The following HELZ variants were observed in gnomAD, a reference collection of about 807,000 sequenced individuals.
The protein encoded by HELZ is helicase with zinc finger, also known as ATP-dependent RNA helicase with zinc finger domain.
In HELZ, 23 loss-of-function variants were observed where a neutral mutation model predicts 218.2. The ratio of observed to expected loss-of-function variants is 0.11; its 90% CI spans 0.08 to 0.15. The LOEUF (loss-of-function observed/expected upper bound fraction) is 0.15, where lower values mean the gene tolerates loss of function less well. HELZ is among the 10% of genes least tolerant of loss of function. The pLI is 1.00. For synonymous variants in HELZ, 814 were observed against 829.4 expected (o/e 0.98, Z 0.32); for missense variants, 1,813 against 2,353.7 (o/e 0.77, Z 4.75).
chr17:67,078,911 G>A (rs2036099617), intron 32 of HELZ, among the ~76,000 whole-genome samples: 1 of 152,246 alleles, frequency 6.6e-6, no homozygotes, highest in Non-Finnish European at 1.5e-5. Flanking sequence ...ACTGCTCATA[G>A]TTTGTAAACA....
intron 31 of HELZ, among the ~76,000 whole-genome samples, chr17:67,100,098 T>C (rs370137078): frequency 2.0e-5 from 3 of 152,316 alleles, no homozygotes; most frequent in South Asian, 4.2e-4. Flanking sequence ...AAAGTGAGAA[T>C]AGGCAATAAT....
intron 13 of HELZ, among the ~76,000 whole-genome samples, chr17:67,175,480 TGAA>T (rs758484391): frequency 2.8e-4 from 43 of 152,220 alleles, no homozygotes; most frequent in South Asian, 4.1e-4. Flanking sequence ...GTTTAAAGAG[TGAA>T]GAAGAAAACA....
At chr17:67,234,317 A>G (rs2041121972) in intron 3 of HELZ, among the ~76,000 whole-genome samples, 1 of 145,800 alleles carries the variant, frequency 6.9e-6, no homozygotes, top group African/African-American at 2.8e-5. Context: ...AAGAAAGAAA[A>G]AAGAAAAAAA....
intron 13 of HELZ, among the ~76,000 whole-genome samples, chr17:67,174,312 A>G (rs1424437526): frequency 6.6e-6 from 1 of 152,016 alleles, no homozygotes; most frequent in African/African-American, 2.4e-5. Flanking sequence ...TGCTAAAATG[A>G]CCATGTAAAA....
intron 12 of HELZ, among the ~76,000 whole-genome samples, chr17:67,180,179 A>G (rs1331455092): frequency 1.3e-5 from 2 of 152,070 alleles, no homozygotes; most frequent in Non-Finnish European, 2.9e-5. Flanking sequence ...AAAAACTTGC[A>G]CTTTAAAAAT....
chr17:67,198,238 A>G (rs937756338), intron 7 of HELZ, among the ~76,000 whole-genome samples: 2 of 152,250 alleles, frequency 1.3e-5, no homozygotes, highest in Admixed American at 1.3e-4. Context: ...AATAAAGCCT[A>G]AAACACTTAT....
intron 3 of HELZ, among the ~76,000 whole-genome samples, chr17:67,219,702 G>A (rs544803285): frequency 4.6e-5 from 7 of 152,288 alleles, no homozygotes; most frequent in Admixed American, 2.0e-4. Flanking sequence ...AATGGAACAC[G>A]ATGAAATTTT....
chr17:67,137,587 A>G (rs993455037), intron 22 of HELZ, among the ~76,000 whole-genome samples: 11 of 152,212 alleles, frequency 7.2e-5, no homozygotes, highest in Non-Finnish European at 1.5e-5. Flanking sequence ...AAAAGTCTAT[A>G]CATAAAAATC....
chr17:67,136,308 G>A (rs1170264480), intron 22 of HELZ, 110 bp from the exon 23 acceptor site: 4 of 722,464 alleles, frequency 5.5e-6, no homozygotes, highest in East Asian at 2.7e-5. Context: ...AAACATTGGC[G>A]AAGATGTGGA....
At chr17:67,199,400 A>C (rs1191353637) in intron 7 of HELZ, among the ~76,000 whole-genome samples, 1 of 152,076 alleles carries the variant, frequency 6.6e-6, no homozygotes, top group South Asian at 2.1e-4. Flanking sequence ...TTTAGTAGAC[A>C]CAGGGTTTCA....
chr17:67,094,220 G>T (rs1440106677), intron 31 of HELZ, among the ~76,000 whole-genome samples: 1 of 152,122 alleles, frequency 6.6e-6, no homozygotes, highest in Admixed American at 6.6e-5. Context: ...TACTTAGGGG[G>T]CTGAGGTGGG....
Position 67,218,739 on chromosome 17 carries a change from A to G in HELZ, c.66T>C (p.Tyr22=), listed in dbSNP as rs776379005. 1.9e-6 allele frequency: 3 copies of G among 1,614,224 alleles called. No homozygotes were observed. The highest frequency in any genetic ancestry group is 8.5e-7 in the Non-Finnish European group (1 of 1,180,046). The change falls in exon 4 of 33, where the codon TAT becomes TAC. Residue 22 remains tyrosine, a synonymous_variant. Coordinates refer to ENST00000358691, the MANE Select transcript of HELZ (RefSeq NM_014877.4). The part of the protein sequence containing the change: ...QACESLKRQD[Y]EMALKHCTEA... The stretch of plus-strand genomic sequence containing the variant: ...CTGTGCAGTGCTTGAGGGCCATTTC[A>G]TAGTCCTGCCTCTTAAGTGATTCAC...
intron 32 of HELZ, among the ~76,000 whole-genome samples, chr17:67,084,204 A>G (rs1313605740): frequency 1.3e-5 from 2 of 152,216 alleles, no homozygotes; most frequent in African/African-American, 4.8e-5. Context: ...TTTCAATTTA[A>G]AAATACTACA....
chr17:67,221,866 C>T (rs144398108), intron 3 of HELZ, among the ~76,000 whole-genome samples: 233 of 144,376 alleles, frequency 1.6e-3, no homozygotes, highest in Non-Finnish European at 2.8e-3. Context: ...TTTTAAGAGA[C>T]AGAGTCTCGC....
At chr17:67,111,726 C>T (rs140601635) in intron 28 of HELZ, among the ~76,000 whole-genome samples, 3 of 152,108 alleles carry the variant, frequency 2.0e-5, no homozygotes, top group Non-Finnish European at 2.9e-5. Context: ...GTGAGAAGCA[C>T]GACAATTCTA....
rs534020073 is a variant in HELZ, at chr17:67,114,803, G to A, written c.3839-400C>T. On this transcript the variant is annotated intron_variant, in intron 27 of 32. Transcript: ENST00000358691. Reference sequence around the variant, plus strand: ...GCAATTAAGCAAAAATCTAAATAACGCCTCAATCTAATTTAGTAAAGGAAT... The same window carrying A: ...GCAATTAAGCAAAAATCTAAATAACACCTCAATCTAATTTAGTAAAGGAAT... 5.3e-5 allele frequency among the ~76,000 whole-genome samples: 8 copies of A among 152,224 alleles called. No homozygotes were observed. The East Asian group carries it at 1.3e-3, about 26-fold the overall frequency.
rs775183896 is a variant in HELZ, at chr17:67,107,219, G to T, written c.5191C>A (p.Pro1731Thr). The change falls in exon 31 of 33, where the codon CCA (proline) becomes ACA (threonine). Residue 1731 changes from proline (P) to threonine (T), a missense_variant. Physicochemically the swap from Pro to Thr is conservative, Grantham distance 38. Around this residue, in one of 4 missense-constraint regions of HELZ, gnomAD observed 938 missense variants for 1,027.5 expected, o/e 0.91. Coordinates refer to ENST00000358691, the MANE Select transcript of HELZ (RefSeq NM_014877.4). The stretch of plus-strand genomic sequence containing the variant: ...GAAGATACTGTTCGAGATGACAATG[G>T]GTGAAATGGCTCTTGACCAATAGCA... ...QHAIGQEPFH[P>T]LSSRTVSSSS... 1.9e-6 allele frequency: 3 copies of T among 1,613,978 alleles called. No homozygotes were observed. The African/African-American group carries it at 4.0e-5, about 22-fold the overall frequency.
chr17:67,244,034 T>C (rs778016437), intron 1 of HELZ, 195 bp from the exon 2 acceptor site: 3 of 964,038 alleles, frequency 3.1e-6, no homozygotes, highest in Non-Finnish European at 3.7e-6. Flanking sequence ...GGTAAAAGAA[T>C]AGATTATACA....
chr17:67,244,364 T>C (rs1422831263), intron 1 of HELZ, among the ~76,000 whole-genome samples: 1 of 152,174 alleles, frequency 6.6e-6, no homozygotes, highest in Non-Finnish European at 1.5e-5. Flanking sequence ...CAGAGGACCC[T>C]GGCTTCCAGC....
Sources: gnomAD v4.1 joint callset for allele counts (sites outside exome capture counted in the v4.1 genomes callset) on GRCh38, gnomAD v4.1.1 for gene constraint, gnomAD v4.1.1 regional missense constraint, MANE v1.5 for transcripts, NCBI Gene and HGNC (gene_info 2026-07-23, HGNC 2026-07-21) for gene names.